Variants in PPP1R9A observed in about 807,000 individuals in gnomAD.
PPP1R9A encodes protein phosphatase 1 regulatory subunit 9A, also known as neurabin-1.
Under a neutral mutation model 141.9 loss-of-function variants are expected in PPP1R9A, and 59 were observed. The observed-to-expected ratio is 0.42, with a 90% CI of 0.34 to 0.52. The LOEUF (loss-of-function observed/expected upper bound fraction) is 0.52. Ranked by LOEUF, PPP1R9A falls within the 20% of genes least tolerant of loss-of-function variation. PPP1R9A has a pLI of 0.10. For synonymous variants in PPP1R9A, 500 were observed against 569.7 expected (o/e 0.88, Z 1.74); for missense variants, 1,444 against 1,611.9 (o/e 0.90, Z 1.78).
chr7:95,211,559 C>T (rs1037755960), intron 7 of PPP1R9A, among the ~76,000 whole-genome samples: 7 of 152,188 alleles, frequency 4.6e-5, no homozygotes, highest in Non-Finnish European at 8.8e-5. Flanking sequence ...CAATAGGCAG[C>T]ACTCAAGCCC....
chr7:95,235,834 G>A (rs1249290760), intron 8 of PPP1R9A, among the ~76,000 whole-genome samples: 1 of 152,154 alleles, frequency 6.6e-6, no homozygotes, highest in East Asian at 1.9e-4. Flanking sequence ...AAGAAATAAT[G>A]GCATTCACAG....
intron 8 of PPP1R9A, among the ~76,000 whole-genome samples, chr7:95,237,882 C>T (rs1796932481): frequency 6.6e-6 from 1 of 151,738 alleles, no homozygotes; most frequent in Non-Finnish European, 1.5e-5. Context: ...TTATGTATGC[C>T]ACCTTATTTC....
At chr7:95,261,278 A>G (rs75050181) in intron 12 of PPP1R9A, among the ~76,000 whole-genome samples, 199 of 152,292 alleles carry the variant, frequency 1.3e-3, no homozygotes, top group Non-Finnish European at 2.3e-3. Context: ...GTACCAGAAA[A>G]TTCTGCTCTG....
intron 2 of PPP1R9A, among the ~76,000 whole-genome samples, chr7:95,108,472 G>A (rs937150584): frequency 2.6e-5 from 4 of 151,082 alleles, no homozygotes; most frequent in African/African-American, 9.7e-5. Context: ...CACCACACCC[G>A]GCTAATTTTT....
intron 16 of PPP1R9A, among the ~76,000 whole-genome samples, chr7:95,276,287 A>G (rs1340929439): frequency 6.6e-6 from 1 of 152,182 alleles, no homozygotes; most frequent in African/African-American, 2.4e-5. Context: ...CATAGTAGCC[A>G]GAGATGATTC....
intron 4 of PPP1R9A, among the ~76,000 whole-genome samples, chr7:95,142,412 G>A (rs1487175517): frequency 6.6e-6 from 1 of 151,724 alleles, no homozygotes; most frequent in Non-Finnish European, 1.5e-5. Context: ...TCATATCCTA[G>A]AAGACTTTAC....
At chr7:95,215,229 T>C (rs1793085563) in intron 7 of PPP1R9A, among the ~76,000 whole-genome samples, 1 of 151,408 alleles carries the variant, frequency 6.6e-6, no homozygotes, top group South Asian at 2.1e-4. Context: ...TGTTTGTTTT[T>C]TTTGTTCTTG....
intron 8 of PPP1R9A, 134 bp from the exon 9 acceptor site, chr7:95,247,339 A>G: frequency 1.6e-6 from 1 of 621,868 alleles, no homozygotes; most frequent in Non-Finnish European, 2.8e-6. Context: ...AGACACTTTA[A>G]TTTACAACTT....
chr7:94,978,508 T>C (rs1288733339), intron 2 of PPP1R9A, among the ~76,000 whole-genome samples: 1 of 152,224 alleles, frequency 6.6e-6, no homozygotes, highest in African/African-American at 2.4e-5. Flanking sequence ...CTTACTCCTT[T>C]TCTTGGAGGC....
intron 2 of PPP1R9A, among the ~76,000 whole-genome samples, chr7:94,941,403 CTTTATATGCATCT>C (rs1795321275): frequency 6.6e-6 from 1 of 152,110 alleles, no homozygotes; most frequent in South Asian, 2.1e-4. Flanking sequence ...GGAATTGTAT[CTTTATATGCATCT>C]TTATCCCTGG....
chr7:95,016,170 T>C (rs1805078214), intron 2 of PPP1R9A, among the ~76,000 whole-genome samples: 1 of 151,954 alleles, frequency 6.6e-6, no homozygotes, highest in Non-Finnish European at 1.5e-5. Flanking sequence ...TACAATGGAA[T>C]AATGACTTAA....
chr7:95,100,674 T>C (rs1818645950), intron 2 of PPP1R9A, among the ~76,000 whole-genome samples: 1 of 152,088 alleles, frequency 6.6e-6, no homozygotes, highest in Non-Finnish European at 1.5e-5. Flanking sequence ...CACAGCCTTG[T>C]GTGAGGAAAA....
intron 14 of PPP1R9A, among the ~76,000 whole-genome samples, chr7:95,270,099 T>A (rs1801933224): frequency 6.6e-6 from 1 of 152,186 alleles, no homozygotes. Context: ...TTACATACTA[T>A]CTATTTTCAT....
chr7:95,000,801 T>G (rs1287844947), intron 2 of PPP1R9A, among the ~76,000 whole-genome samples: 2 of 152,200 alleles, frequency 1.3e-5, no homozygotes, highest in Non-Finnish European at 2.9e-5. Flanking sequence ...TTCCTTTTGC[T>G]GATTCTACAC....
At chr7:95,168,076 A>G (rs1258263757) in intron 5 of PPP1R9A, among the ~76,000 whole-genome samples, 3 of 152,264 alleles carry the variant, frequency 2.0e-5, no homozygotes, top group Non-Finnish European at 4.4e-5. Flanking sequence ...AGTACGGCTC[A>G]AATACCAAAG....
At chr7:95,251,936 A>G (rs1478209781) in intron 11 of PPP1R9A, 23 bp from the exon 12 acceptor site, 5 of 1,607,178 alleles carry the variant, frequency 3.1e-6, no homozygotes, top group Non-Finnish European at 4.2e-6. Context: ...TTAGAGTTTT[A>G]TAAATGGATT....
chr7:95,145,065 T>C (rs557766692), intron 4 of PPP1R9A, among the ~76,000 whole-genome samples: 1 of 152,304 alleles, frequency 6.6e-6, no homozygotes, highest in South Asian at 2.1e-4. Context: ...CTGTAATACA[T>C]TGGTGAAAGA....
At chr7:95,007,900 T>C (rs369333021) in intron 2 of PPP1R9A, among the ~76,000 whole-genome samples, 17 of 152,070 alleles carry the variant, frequency 1.1e-4, no homozygotes, top group East Asian at 9.7e-4. Flanking sequence ...GGTGAAACCC[T>C]GTCTCTACTA....
intron 2 of PPP1R9A, among the ~76,000 whole-genome samples, chr7:94,955,323 C>G (rs910927923): frequency 6.6e-6 from 1 of 152,096 alleles, no homozygotes; most frequent in South Asian, 2.1e-4. Flanking sequence ...CTTAAAATAT[C>G]TATCAAAGTA....
Sources: gnomAD v4.1 joint callset for allele counts (sites outside exome capture counted in the v4.1 genomes callset) on GRCh38, gnomAD v4.1.1 for gene constraint, MANE v1.5 for transcripts, NCBI Gene and HGNC (gene_info 2026-07-23, HGNC 2026-07-21) for gene names.